EXOC4: variants seen among roughly 807,000 people sequenced by gnomAD.
The protein encoded by EXOC4 is SEC8-like 1.
Under a neutral mutation model 107.2 loss-of-function variants are expected in EXOC4, and 71 were observed. That is an observed-to-expected ratio of 0.66 (90% CI 0.55 to 0.81). The LOEUF is 0.81. Ranked by LOEUF, EXOC4 falls within the 30% of genes least tolerant of loss-of-function variation. EXOC4 has a pLI of 0.00. For synonymous variants in EXOC4, 456 were observed against 441.2 expected (o/e 1.03, Z -0.42); for missense variants, 1,108 against 1,189.6 (o/e 0.93, Z 1.01).
intron 9 of EXOC4, among the ~76,000 whole-genome samples, chr7:133,493,529 G>A (rs1440110106): frequency 6.6e-6 from 1 of 152,102 alleles, no homozygotes; most frequent in Non-Finnish European, 1.5e-5. Flanking sequence ...GTAGCACCTG[G>A]CATCATTCGT....
the EXOC4 span, among the ~76,000 whole-genome samples, chr7:134,075,833 A>G: frequency 5.8e-3 from 891 of 152,332 alleles, 12 homozygotes; most frequent in African/African-American, 0.02. Context: ...CCCCTCTGTC[A>G]CAATGGCCAG....
chr7:133,738,207 C>T (rs1342634536), intron 10 of EXOC4, among the ~76,000 whole-genome samples: 1 of 151,836 alleles, frequency 6.6e-6, no homozygotes, highest in Non-Finnish European at 1.5e-5. Context: ...CCACCAGTGC[C>T]GAGCCCTGCT....
intron 9 of EXOC4, among the ~76,000 whole-genome samples, chr7:133,572,047 AT>A (rs1161464932): frequency 6.6e-6 from 1 of 152,124 alleles, no homozygotes; most frequent in African/African-American, 2.4e-5. Context: ...AGGCACAGGG[AT>A]TTTCTTTGTT....
At chr7:133,604,494 T>C (rs192734860) in intron 9 of EXOC4, among the ~76,000 whole-genome samples, 8 of 152,252 alleles carry the variant, frequency 5.3e-5, no homozygotes, top group Admixed American at 5.2e-4. Flanking sequence ...CAGGAATTTT[T>C]CTGCTCCATT....
intron 9 of EXOC4, among the ~76,000 whole-genome samples, chr7:133,514,719 G>T (rs1278831107): frequency 6.6e-6 from 1 of 152,150 alleles, no homozygotes; most frequent in Non-Finnish European, 1.5e-5. Flanking sequence ...TTGTACAGAA[G>T]AATAGGTTAA....
chr7:133,656,370 C>T (rs956675105), intron 10 of EXOC4, among the ~76,000 whole-genome samples: 8 of 57,560 alleles, frequency 1.4e-4, no homozygotes, highest in Non-Finnish European at 2.8e-4. Context: ...TATAAAGCAT[C>T]CACAGTATGT....
chr7:133,354,613 G>A (rs1162892120), intron 5 of EXOC4, among the ~76,000 whole-genome samples: 1 of 152,108 alleles, frequency 6.6e-6, no homozygotes, highest in Non-Finnish European at 1.5e-5. Context: ...TGGAGGAGGT[G>A]CAACAACAAT....
intron 10 of EXOC4, among the ~76,000 whole-genome samples, chr7:133,782,636 G>T (rs1290772410): frequency 6.6e-6 from 1 of 152,104 alleles, no homozygotes; most frequent in Non-Finnish European, 1.5e-5. Context: ...GTGGAGCCTG[G>T]AGCAAATCAC....
At chr7:133,301,749 C>G (rs1205627098) in intron 3 of EXOC4, among the ~76,000 whole-genome samples, 1 of 151,994 alleles carries the variant, frequency 6.6e-6, no homozygotes, top group Non-Finnish European at 1.5e-5. Context: ...TGTCGTTTAT[C>G]TTTGTGTGTC....
At chr7:133,536,438 A>G (rs1800271148) in intron 9 of EXOC4, among the ~76,000 whole-genome samples, 2 of 152,086 alleles carry the variant, frequency 1.3e-5, no homozygotes, top group Non-Finnish European at 2.9e-5. Flanking sequence ...TGATCATACA[A>G]ATAGTATGTT....
intron 9 of EXOC4, among the ~76,000 whole-genome samples, chr7:133,616,726 C>T (rs529740629): frequency 2.0e-5 from 3 of 152,204 alleles, no homozygotes; most frequent in South Asian, 4.2e-4. Context: ...ATTCCTAAAG[C>T]TTTACTAATA....
At chr7:133,455,639 G>A (rs1055050498) in intron 7 of EXOC4, among the ~76,000 whole-genome samples, 6 of 152,198 alleles carry the variant, frequency 3.9e-5, no homozygotes, top group African/African-American at 9.7e-5. Flanking sequence ...GAAAATTCAA[G>A]TGGTAGGATG....
In EXOC4 at chr7:133,554,630, C is replaced by G. The variant is rs372704472; in HGVS notation, c.1417+74492C>G. ...TCATTTCCTCCTCATTATTTGAAAC[C>G]TGTCCTTTCCTAGGCCTGCTGCTTC... On this transcript the variant is annotated intron_variant, in intron 9 of 17. Coordinates refer to ENST00000253861, the MANE Select transcript of EXOC4 (RefSeq NM_021807.4). 1.9e-4 allele frequency among the ~76,000 whole-genome samples: 29 copies of G among 152,254 alleles called. 1 individual carries two copies. The East Asian group carries it at 4.0e-3, about 21-fold the overall frequency.
chr7:133,578,558 A>C (rs1448040126), intron 9 of EXOC4, among the ~76,000 whole-genome samples: 1 of 152,224 alleles, frequency 6.6e-6, no homozygotes, highest in Non-Finnish European at 1.5e-5. Flanking sequence ...AGCTCCTTGT[A>C]TTAGCAGGTT....
chr7:134,012,368 A>G (rs1794790395), intron 17 of EXOC4, among the ~76,000 whole-genome samples: 1 of 152,102 alleles, frequency 6.6e-6, no homozygotes, highest in South Asian at 2.1e-4. Context: ...AGAGGATGAG[A>G]TATGGTCAGA....
In EXOC4 at chr7:133,816,139, G is replaced by A. The variant is rs188948816; in HGVS notation, c.1515-1186G>A. Among the ~76,000 whole-genome samples the A allele has an allele frequency of 3.8e-4, 58 of 152,268 alleles. 1 individual carries two copies. In the East Asian group the frequency reaches 0.01, roughly 27 times the overall value. ...TTATTTACACAGGGATTTCAGAGGA[G>A]CTACCAACAAAGTTTATACTTTAGT... On this transcript the variant is annotated intron_variant, in intron 10 of 17. Transcript: ENST00000253861.
chr7:133,743,680 C>T (rs1795615767), intron 10 of EXOC4, among the ~76,000 whole-genome samples: 1 of 152,178 alleles, frequency 6.6e-6, no homozygotes, highest in African/African-American at 2.4e-5. Flanking sequence ...CCATTGTGGG[C>T]CATACTTGGG....
chr7:133,767,158 T>A (rs1167096705), intron 10 of EXOC4, among the ~76,000 whole-genome samples: 1 of 151,872 alleles, frequency 6.6e-6, no homozygotes, highest in Non-Finnish European at 1.5e-5. Context: ...GAAATGCCAA[T>A]CTAAGAAAAT....
At chr7:133,320,010 A>G (rs1795077837) in intron 5 of EXOC4, among the ~76,000 whole-genome samples, 2 of 152,112 alleles carry the variant, frequency 1.3e-5, no homozygotes, top group African/African-American at 4.8e-5. Flanking sequence ...ATTTTATAAC[A>G]ATTTATTATC....
Sources: allele counts gnomAD v4.1 joint callset (sites outside exome capture counted in the v4.1 genomes callset), GRCh38; gene constraint gnomAD v4.1.1; transcripts MANE v1.5; gene names NCBI Gene and HGNC (gene_info 2026-07-23, HGNC 2026-07-21).